Variants in COL15A1 observed in about 807,000 individuals in gnomAD.
COL15A1 encodes the protein collagen alpha-1(XV) chain.
A neutral mutation model predicts 165.9 loss-of-function variants in COL15A1; 111 were observed. The ratio of observed to expected loss-of-function variants is 0.67; its 90% CI spans 0.57 to 0.78. The LOEUF (loss-of-function observed/expected upper bound fraction) is 0.78. COL15A1 is among the 30% of genes least tolerant of loss of function. The probability of loss-of-function intolerance (pLI) is 0.00; values close to 1 mark genes in which losing one functional copy is unlikely to be tolerated. For synonymous variants in COL15A1, 659 were observed against 674.8 expected, an observed-to-expected ratio of 0.98 and a Z score of 0.36; for missense variants, 1,745 against 1,789.7, an observed-to-expected ratio of 0.98 and a Z score of 0.45.
At chr9:99,029,414 C>A (rs10988595) in intron 16 of COL15A1, among the ~76,000 whole-genome samples, 22,515 of 152,230 alleles carry the variant, frequency 0.15, 2,028 homozygotes, top group African/African-American at 0.24. Flanking sequence ...TTCCCTTTCT[C>A]CAAGCAATCC....
intron 35 of COL15A1, among the ~76,000 whole-genome samples, chr9:99,058,034 C>T (rs115508106): frequency 6.6e-6 from 1 of 152,250 alleles, no homozygotes; most frequent in African/African-American, 2.4e-5. Context: ...CAGGAACAGC[C>T]AGAGCCAGGG....
chr9:98,975,630 T>C (rs1401651543), intron 2 of COL15A1, among the ~76,000 whole-genome samples: 3 of 152,176 alleles, frequency 2.0e-5, no homozygotes, highest in Admixed American at 2.0e-4. Context: ...CCCTGACTGC[T>C]CAGATTTTCC....
At chr9:99,069,537 A>G (rs903310245) in intron 41 of COL15A1, 136 bp from the exon 42 acceptor site, 6 of 1,134,886 alleles carry the variant, frequency 5.3e-6, no homozygotes, top group East Asian at 2.4e-5. Context: ...AGCAAGGGCA[A>G]TGAGGATAGA....
At position 98,985,671 on chromosome 9, in the gene COL15A1, C is replaced by T. The variant is rs770970455; in HGVS notation, c.207C>T (p.Phe69=). The T allele has an allele frequency of 4.2e-5, 67 of 1,614,120 alleles. No individual in the cohort carries two copies. Among genetic ancestry groups the T allele is most frequent in the Admixed American group, 8.3e-5 (5 of 60,006 alleles). The change falls in exon 3 of 42, where the codon TTC becomes TTT. Residue 69 remains phenylalanine, a synonymous_variant. Transcript: ENST00000375001. ...TGYGGFPAYS[F]GPGANVGRPA... is the part of the protein sequence containing the mutation. ...ATGGTGGCTTCCCGGCCTACAGTTT[C>T]GGGCCTGGTGCCAATGTTGGCCGCC...
At chr9:98,962,956 A>G (rs1035771079) in intron 2 of COL15A1, among the ~76,000 whole-genome samples, 3 of 152,230 alleles carry the variant, frequency 2.0e-5, no homozygotes, top group African/African-American at 7.2e-5. Flanking sequence ...TCTGGAATGA[A>G]TAGAAATGTG....
chr9:99,015,105 G>C (rs1423276899), intron 9 of COL15A1, among the ~76,000 whole-genome samples: 2 of 151,568 alleles, frequency 1.3e-5, no homozygotes, highest in Non-Finnish European at 1.5e-5. Flanking sequence ...TTCCCAGCTT[G>C]ATTTTTTTTT....
intron 16 of COL15A1, among the ~76,000 whole-genome samples, chr9:99,033,906 C>G (rs1485927801): frequency 6.6e-6 from 1 of 152,148 alleles, no homozygotes; most frequent in East Asian, 1.9e-4. Context: ...TGACCGCCCA[C>G]CTGCTTTGGT....
At chr9:98,980,525 T>C (rs4743302) in intron 2 of COL15A1, among the ~76,000 whole-genome samples, 76,323 of 152,018 alleles carry the variant, frequency 0.5, 20,798 homozygotes, top group African/African-American at 0.72. Flanking sequence ...TGGGGCACGC[T>C]GGGGCTGTGT....
At chr9:98,974,772 C>T (rs1838115710) in intron 2 of COL15A1, among the ~76,000 whole-genome samples, 1 of 152,232 alleles carries the variant, frequency 6.6e-6, no homozygotes, top group African/African-American at 2.4e-5. Context: ...CACCCGCTTG[C>T]AGGAGTCACC....
intron 41 of COL15A1, 106 bp from the exon 42 acceptor site, chr9:99,069,567 G>T: frequency 7.1e-7 from 1 of 1,412,734 alleles, no homozygotes; most frequent in Non-Finnish European, 9.7e-7. Context: ...TGGCATCAGG[G>T]TTAAGGAGTT....
chr9:98,951,681 C>A (rs1468153255), intron 2 of COL15A1, among the ~76,000 whole-genome samples: 1 of 152,190 alleles, frequency 6.6e-6, no homozygotes. Context: ...CCTCCTTCCT[C>A]AGCCTCCTGA....
chr9:99,034,066 TC>T (rs972707681), intron 16 of COL15A1, among the ~76,000 whole-genome samples: 3 of 152,174 alleles, frequency 2.0e-5, no homozygotes, highest in African/African-American at 7.2e-5. Context: ...TGGGGACTAC[TC>T]CAGCCAGCTT....
At chr9:98,953,896 C>T (rs1160885438) in intron 2 of COL15A1, among the ~76,000 whole-genome samples, 1 of 152,248 alleles carries the variant, frequency 6.6e-6, no homozygotes, top group Non-Finnish European at 1.5e-5. Flanking sequence ...TCAAAATGGT[C>T]TGTCTGTTCT....
chr9:99,056,923 T>C (rs1784249511), intron 35 of COL15A1, among the ~76,000 whole-genome samples: 1 of 152,246 alleles, frequency 6.6e-6, no homozygotes, highest in African/African-American at 2.4e-5. Context: ...TTGTATAGGA[T>C]ATACATTTTG....
chr9:98,968,811 G>A lies in COL15A1; in HGVS notation c.101-16754G>A, dbSNP rs927847834. Among the ~76,000 whole-genome samples, 9 of 152,218 alleles carry A rather than the reference G, an allele frequency of 5.9e-5. No homozygotes were observed. In the East Asian group the frequency reaches 7.7e-4, roughly 13 times the overall value. ...TAGCTTCCTGCCTGGGGGCGGGGGC[G>A]GGGAAGGAGGAGTAAGCTGACTCCC... is the stretch of plus-strand genomic sequence containing the variant. On this transcript the variant is annotated intron_variant, in intron 2 of 41. Transcript: ENST00000375001.
At chr9:98,950,462 C>T (rs1467318460) in intron 2 of COL15A1, among the ~76,000 whole-genome samples, 11 of 147,872 alleles carry the variant, frequency 7.4e-5, no homozygotes, top group Non-Finnish European at 1.5e-4. Flanking sequence ...TTCCCTCCTT[C>T]CTTCCCTCCC....
intron 2 of COL15A1, among the ~76,000 whole-genome samples, chr9:98,947,908 C>T (rs138072008): frequency 3.4e-4 from 52 of 152,278 alleles, no homozygotes; most frequent in African/African-American, 1.2e-3. Flanking sequence ...TATTGGAAAA[C>T]CTGGGTTCCA....
chr9:98,970,078 C>G (rs1209078930), intron 2 of COL15A1, among the ~76,000 whole-genome samples: 1 of 150,794 alleles, frequency 6.6e-6, no homozygotes, highest in Non-Finnish European at 1.5e-5. Context: ...CCAGGTGATT[C>G]TACTGTGCAG....
At chr9:98,948,822 A>C (rs1281715032) in intron 2 of COL15A1, among the ~76,000 whole-genome samples, 1 of 152,204 alleles carries the variant, frequency 6.6e-6, no homozygotes, top group Non-Finnish European at 1.5e-5. Flanking sequence ...TAAAGTGTTG[A>C]TGATTGCAAA....
Sources: allele counts gnomAD v4.1 joint callset (sites outside exome capture counted in the v4.1 genomes callset), GRCh38; gene constraint gnomAD v4.1.1; transcripts MANE v1.5; gene names NCBI Gene and HGNC (gene_info 2026-07-23, HGNC 2026-07-21).